DAB1: variants seen among roughly 807,000 people sequenced by gnomAD.
The protein encoded by DAB1 is DAB adaptor protein 1, also known as disabled homolog 1.
Under a neutral mutation model 64.6 loss-of-function variants are expected in DAB1, and 15 were observed. That is an observed-to-expected ratio of 0.23 (90% CI 0.16 to 0.36). The LOEUF is 0.36. Ranked by LOEUF, DAB1 falls within the 10% of genes least tolerant of loss-of-function variation. The probability of loss-of-function intolerance (pLI) is 1.00; values close to 1 mark genes in which losing one functional copy is unlikely to be tolerated. For synonymous variants in DAB1, 235 were observed against 251.9 expected, an observed-to-expected ratio of 0.93 and a Z score of 0.64; for missense variants, 596 against 706.7, an observed-to-expected ratio of 0.84 and a Z score of 1.78.
intron 5 of DAB1, chr1:58,056,452 C>A (rs765860792): frequency 2.7e-6 from 4 of 1,502,638 alleles, no homozygotes; most frequent in Middle Eastern, 1.7e-4. Context: ...CTTTTTGGCA[C>A]GACCATTGTT....
At chr1:57,160,052 A>G (rs1183892260) in intron 2 of DAB1, among the ~76,000 whole-genome samples, 1 of 152,074 alleles carries the variant, frequency 6.6e-6, no homozygotes, top group East Asian at 1.9e-4. Flanking sequence ...ACACTTGCTT[A>G]CCCACAGCCT....
intron 5 of DAB1, among the ~76,000 whole-genome samples, chr1:58,126,361 G>C (rs372761977): frequency 2.0e-5 from 3 of 152,124 alleles, no homozygotes; most frequent in African/African-American, 7.2e-5. Context: ...TTGAGGCTCA[G>C]CTTGAACCCA....
chr1:58,204,591 C>A (rs1265022568), intron 4 of DAB1, among the ~76,000 whole-genome samples: 1 of 152,100 alleles, frequency 6.6e-6, no homozygotes, highest in Non-Finnish European at 1.5e-5. Context: ...CTATCAGAAC[C>A]CCCAGGAGAG....
intron 7 of DAB1, among the ~76,000 whole-genome samples, chr1:57,458,435 G>GT: frequency 1.3e-5 from 2 of 151,700 alleles, no homozygotes; most frequent in South Asian, 4.2e-4. Flanking sequence ...ACAGGTAAAT[G>GT]TGCAAGGACT....
chr1:57,300,908 A>AG (rs1377559784), intron 1 of DAB1, among the ~76,000 whole-genome samples: 1 of 152,086 alleles, frequency 6.6e-6, no homozygotes, highest in East Asian at 1.9e-4. Context: ...CACAGGTGAC[A>AG]GGGGCCACCA....
At position 57,482,477 on chromosome 1, in the gene DAB1, T is replaced by TAAAAAAAAAA. The variant is rs918167439; in HGVS notation, n.625+167105_625+167114dup. Among the ~76,000 whole-genome samples the TAAAAAAAAAA allele has an allele frequency of 2.1e-4, 13 of 61,182 alleles. 1 individual carries two copies. The highest frequency in any genetic ancestry group is 4.7e-4 in the East Asian group (1 of 2,114). The allele number at this position is 61,182 out of a possible 152,430, so 40.1% of individuals were successfully genotyped here. On this transcript the variant is annotated intron_variant and non_coding_transcript_variant, in intron 7 of 20. Transcript: ENST00000485760. ...ACCCCAGTTTTACAGCTGAAAGTTG[T>TAAAAAAAAAA]AAAAAAAAAAAAAAAAAAAAAAAAA...
intron 5 of DAB1, among the ~76,000 whole-genome samples, chr1:58,133,340 C>T (rs1226465423): frequency 6.6e-6 from 1 of 152,218 alleles, no homozygotes; most frequent in African/African-American, 2.4e-5. Flanking sequence ...CAAAAGGTCA[C>T]TCAGGAATCG....
chr1:58,252,464 G>A (rs1255678459), intron 4 of DAB1, among the ~76,000 whole-genome samples: 1 of 152,180 alleles, frequency 6.6e-6, no homozygotes, highest in African/African-American at 2.4e-5. Flanking sequence ...AAAATAGAAA[G>A]GAAAACAGAG....
chr1:57,323,860 A>G (rs1311383696), intron 1 of DAB1, among the ~76,000 whole-genome samples: 1 of 152,060 alleles, frequency 6.6e-6, no homozygotes, highest in Non-Finnish European at 1.5e-5. Flanking sequence ...ATTAGAAAAG[A>G]GGAATGTTTC....
At chr1:58,118,893 G>A (rs1394349630) in intron 5 of DAB1, among the ~76,000 whole-genome samples, 2 of 151,820 alleles carry the variant, frequency 1.3e-5, no homozygotes, top group Admixed American at 6.6e-5. Flanking sequence ...CACCAGTGCT[G>A]TCCAATCGAA....
At chr1:57,095,427 T>A (rs1442996604) in intron 4 of DAB1, among the ~76,000 whole-genome samples, 3 of 152,244 alleles carry the variant, frequency 2.0e-5, no homozygotes, top group African/African-American at 4.8e-5. Flanking sequence ...CTTGCAGGAC[T>A]GGGAAACTTT....
intron 5 of DAB1, among the ~76,000 whole-genome samples, chr1:57,940,250 T>A (rs1377502042): frequency 1.3e-5 from 2 of 152,314 alleles, no homozygotes; most frequent in African/African-American, 4.8e-5. Context: ...TGATGCCGGC[T>A]GTATATTGAC....
At chr1:57,319,841 G>A (rs1675549844) in intron 1 of DAB1, among the ~76,000 whole-genome samples, 1 of 152,128 alleles carries the variant, frequency 6.6e-6, no homozygotes, top group Non-Finnish European at 1.5e-5. Flanking sequence ...GATAAGTAAG[G>A]AAACCTCTTC....
At chr1:57,464,378 T>C (rs954762171) in intron 7 of DAB1, among the ~76,000 whole-genome samples, 1 of 152,168 alleles carries the variant, frequency 6.6e-6, no homozygotes, top group African/African-American at 2.4e-5. Flanking sequence ...CCATCCAGTT[T>C]CCATTTAAAA....
intron 4 of DAB1, among the ~76,000 whole-genome samples, chr1:57,122,641 T>G (rs1242502376): frequency 6.6e-6 from 1 of 152,146 alleles, no homozygotes; most frequent in African/African-American, 2.4e-5. Flanking sequence ...AGAGCTATCC[T>G]GAAAGAGGCT....
chr1:58,005,576 G>A (rs1342473316), intron 5 of DAB1, among the ~76,000 whole-genome samples: 1 of 149,204 alleles, frequency 6.7e-6, no homozygotes. Context: ...AGCTGGCTGT[G>A]GCCAGGAGGG....
At chr1:57,153,011 TAATC>T (rs146474485) in intron 2 of DAB1, among the ~76,000 whole-genome samples, 3,812 of 152,304 alleles carry the variant, frequency 0.025, 141 homozygotes, top group African/African-American at 0.087. Flanking sequence ...GTACTACTGA[TAATC>T]TATATATTAT....
intron 3 of DAB1, among the ~76,000 whole-genome samples, chr1:58,463,986 A>G (rs548680756): frequency 1.1e-4 from 17 of 152,310 alleles, no homozygotes; most frequent in South Asian, 1.0e-3. Flanking sequence ...CTCCAAGCAA[A>G]TGGATCTTGC....
At chr1:57,084,428 A>G (rs1652853883) in intron 4 of DAB1, among the ~76,000 whole-genome samples, 1 of 152,172 alleles carries the variant, frequency 6.6e-6, no homozygotes, top group African/African-American at 2.4e-5. Context: ...CTCTAAAACT[A>G]TACAACAAAA....
Sources: gnomAD v4.1 joint callset for allele counts (sites outside exome capture counted in the v4.1 genomes callset) on GRCh38, gnomAD v4.1.1 for gene constraint, MANE v1.5 for transcripts, NCBI Gene and HGNC (gene_info 2026-07-23, HGNC 2026-07-21) for gene names.